Variants in RLN3 observed in about 807,000 individuals in gnomAD.
RLN3 encodes relaxin 3.
A neutral mutation model predicts 10.2 loss-of-function variants in RLN3; 13 were observed. That is an observed-to-expected ratio of 1.28 (90% CI 0.83 to 2.03). The LOEUF is 2.03. RLN3 is among the 30% of genes most tolerant of loss of function. The pLI is 0.00. For synonymous variants in RLN3, 56 were observed against 79.2 expected, an observed-to-expected ratio of 0.71 and a Z score of 1.56; for missense variants, 191 against 187.2, an observed-to-expected ratio of 1.02 and a Z score of -0.12.
rs775123305 is a variant in RLN3 at position 14,030,975 on chromosome 19, C to G, written c.*27C>G. On this transcript the variant is annotated 3_prime_UTR_variant, in exon 2 of 2. Coordinates refer to ENST00000431365, the MANE Select transcript of RLN3 (RefSeq NM_080864.4). ...TTGAGGGCTGGGCAGCCGTGGGCAC[C>G]AGGACCAATGCCCCAGTCCTGCCAT... 3 of 1,454,394 alleles carry G rather than the reference C, an allele frequency of 2.1e-6. No individual in the cohort carries two copies. Among genetic ancestry groups the G allele is most frequent in the East Asian group, 4.6e-5 (2 of 43,804 alleles). 90.1% of individuals were successfully genotyped at this position (1,454,394 alleles called of 1,614,324 possible).
In RLN3 at chr19:14,031,322, G is replaced by A; in HGVS notation, c.*374G>A. 4.2e-6 allele frequency: 1 copy of A among 236,222 alleles called. No homozygotes were observed. The highest frequency in any genetic ancestry group is 7.9e-5 in the South Asian group (1 of 12,598). 14.6% of individuals were successfully genotyped at this position (236,222 alleles called of 1,614,324 possible). On this transcript the variant is annotated 3_prime_UTR_variant, in exon 2 of 2. Transcript: ENST00000431365. ...CACAGAGACCCCTGCCCCCTTCCCA[G>A]TCCAAACTGTGGCCATTGTCCCCTG... is the stretch of plus-strand genomic sequence containing the variant.
Position 14,030,742 on chromosome 19 carries a change from G to A in RLN3, c.223G>A (p.Asp75Asn), listed in dbSNP as rs200786904. 14 of 1,614,078 alleles carry A rather than the reference G, an allele frequency of 8.7e-6. No homozygotes were observed. Among genetic ancestry groups the A allele is most frequent in the Middle Eastern group, 1.6e-4 (1 of 6,084 alleles). Residue 75 changes from aspartate to asparagine, a missense_variant, in exon 2 of 2, where the codon GAC becomes AAC. Transcript: ENST00000431365. ...CTTCCCGGATGCAGATGCTGATGAA[G>A]ACAGTCTGGCAGGCGAGCTGGATGA... ...DTFPDADADE[D>N]SLAGELDEAM...
In RLN3 at chr19:14,028,439, G is replaced by C. The variant is rs759822350; in HGVS notation, c.190+45G>C. On this transcript the variant is annotated intron_variant, in intron 1 of 1. Transcript: ENST00000431365. ...GGATGTAGAAGGGGAACAGGTGGCT[G>C]GATGGGTCCCAGGAGCTAAGGACAG... 1.9e-6 allele frequency: 3 copies of C among 1,548,266 alleles called. No individual in the cohort carries two copies. The East Asian group carries it at 6.8e-5, about 35-fold the overall frequency.
rs573323251 is a variant in RLN3 at position 14,031,433 on chromosome 19, T to A, written c.*485T>A. 4.6e-6 allele frequency: 1 copy of A among 218,194 alleles called. No homozygotes were observed. The highest frequency in any genetic ancestry group is 9.4e-5 in the South Asian group (1 of 10,630). 13.5% of individuals were successfully genotyped at this position (218,194 alleles called of 1,614,324 possible). On this transcript the variant is annotated 3_prime_UTR_variant, in exon 2 of 2. Coordinates refer to ENST00000431365, the MANE Select transcript of RLN3 (RefSeq NM_080864.4). ...GCTTTCCATCCCCTCTCCCTCCAAC[T>A]CCCCTGCCAGAGTTCCAAGGCTGTG...
rs1568496779 is a variant in RLN3, at chr19:14,030,837, C to A, written c.318C>A (p.Ser106Arg). ...AGGCCTTTTACAGGGGGCGACCCAG[C>A]TGGCAAGGAACCCCTGGGGTTCTTC... ...SPQAFYRGRP[S>R]WQGTPGVLRG... The change falls in exon 2 of 2, where the codon AGC (serine) becomes AGA (arginine). Residue 106 changes from serine to arginine, a missense_variant. Physicochemically the swap from Ser to Arg is moderately radical, Grantham distance 110. Coordinates refer to ENST00000431365, the MANE Select transcript of RLN3 (RefSeq NM_080864.4). 6.2e-7 allele frequency: 1 copy of A among 1,613,628 alleles called. No homozygotes were observed. Among genetic ancestry groups the A allele is most frequent in the African/African-American group, 1.3e-5 (1 of 75,050 alleles).
intron 1 of RLN3, among the ~76,000 whole-genome samples, chr19:14,029,553 G>A (rs1975765834): frequency 6.6e-6 from 1 of 151,644 alleles, no homozygotes. Flanking sequence ...GTTTCACCAT[G>A]TTGGCCAGGC....
In RLN3 at chr19:14,031,507, A is replaced by C; in HGVS notation, c.*559A>C. ...GCCCCCCTAGGAGAGCTCTGGGCAC[A>C]TTCGAATCTTCCCAAACTCCAATAA... On this transcript the variant is annotated 3_prime_UTR_variant, in exon 2 of 2. Coordinates refer to ENST00000431365, the MANE Select transcript of RLN3 (RefSeq NM_080864.4). The C allele has an allele frequency of 3.3e-6, 1 of 301,128 alleles. No individual in the cohort carries two copies. Among genetic ancestry groups the C allele is most frequent in the Non-Finnish European group, 6.2e-6 (1 of 161,048 alleles). The allele number at this position is 301,128 out of a possible 1,614,324, so 18.7% of individuals were successfully genotyped here.
rs1975749380 is a variant in RLN3 at position 14,028,406 on chromosome 19, G to A, written c.190+12G>A. ...CCACGAGGCTATGGGTGAGGCTGGG[G>A]AGAGAGTGGATGTAGAAGGGGAACA... On this transcript the variant is annotated intron_variant, in intron 1 of 1. Coordinates refer to ENST00000431365, the MANE Select transcript of RLN3 (RefSeq NM_080864.4). The A allele has an allele frequency of 6.2e-7, 1 of 1,602,732 alleles. No individual in the cohort carries two copies. Among genetic ancestry groups the A allele is most frequent in the Non-Finnish European group, 8.5e-7 (1 of 1,174,198 alleles).
At position 14,031,104 on chromosome 19, in the gene RLN3, G is replaced by A. The variant is rs1004353033; in HGVS notation, c.*156G>A. 9.7e-5 allele frequency: 61 copies of A among 626,310 alleles called. No homozygotes were observed. Among genetic ancestry groups the A allele is most frequent in the Non-Finnish European group, 1.3e-4 (47 of 355,372 alleles). 38.8% of individuals were successfully genotyped at this position (626,310 alleles called of 1,614,324 possible). ...ACTGTGGGCTCAGGCACAGTCTCCC[G>A]ACACCACCTATCCAACCCTGCCCTT... On this transcript the variant is annotated 3_prime_UTR_variant, in exon 2 of 2. Coordinates refer to ENST00000431365, the MANE Select transcript of RLN3 (RefSeq NM_080864.4).
chr19:14,028,507 C>T lies in RLN3; in HGVS notation c.190+113C>T, dbSNP rs909315059. The T allele has an allele frequency of 4.4e-6, 4 of 909,460 alleles. No individual in the cohort carries two copies. In the African/African-American group the frequency reaches 6.8e-5, roughly 15 times the overall value. 56.3% of individuals were successfully genotyped at this position (909,460 alleles called of 1,614,324 possible). ...TGGAGGAGGAGGGTCCCTGTCCTGC[C>T]ACATTCAGCCAGGGACACCTGCCCA... On this transcript the variant is annotated intron_variant, in intron 1 of 1. Coordinates refer to ENST00000431365, the MANE Select transcript of RLN3 (RefSeq NM_080864.4).
At position 14,028,267 on chromosome 19, in the gene RLN3, G is replaced by C; in HGVS notation, c.63G>C (p.Pro21=). The C allele has an allele frequency of 6.2e-7, 1 of 1,613,316 alleles. No individual in the cohort carries two copies. The highest frequency in any genetic ancestry group is 1.1e-5 in the South Asian group (1 of 90,996). ...GGGTGCTGACCGGGGAGCTGTGGCC[G>C]GGAGCTGAGGCCCGGGCAGCGCCTT... is the stretch of plus-strand genomic sequence containing the variant. ...AVWVLTGELW[P]GAEARAAPYG... Residue 21 remains proline, a synonymous_variant, in exon 1 of 2, where the codon CCG becomes CCC. Coordinates refer to ENST00000431365, the MANE Select transcript of RLN3 (RefSeq NM_080864.4).
Position 14,028,325 on chromosome 19 carries a change from C to T in RLN3, c.121C>T (p.Arg41Ter), listed in dbSNP as rs146486931. The change falls in exon 1 of 2, where the codon CGA becomes TGA. Residue 41 changes from arginine to a stop codon, truncating the protein, a stop_gained. Coordinates refer to ENST00000431365, the MANE Select transcript of RLN3 (RefSeq NM_080864.4). LOFTEE classifies it high-confidence loss of function. Reference protein sequence around the residue: ...GVRLCGREFIRAVIFTCGGSR... With the variant: ...GVRLCGREFI The stretch of plus-strand genomic sequence containing the variant: ...CAGGCTTTGCGGCCGAGAATTCATC[C>T]GAGCAGTCATCTTCACCTGCGGGGG... 484 of 1,613,882 alleles carry T rather than the reference C, an allele frequency of 3.0e-4. No homozygotes were observed. In the African/African-American group the frequency reaches 4.7e-3, roughly 16 times the overall value.
intron 1 of RLN3, among the ~76,000 whole-genome samples, chr19:14,028,638 C>G (rs957348177): frequency 6.6e-6 from 1 of 152,052 alleles, no homozygotes; most frequent in African/African-American, 2.4e-5. Context: ...GGGCGGGGAG[C>G]GTGCCATTTG....
At chr19:14,028,902 G>C (rs1234263836) in intron 1 of RLN3, among the ~76,000 whole-genome samples, 1 of 151,974 alleles carries the variant, frequency 6.6e-6, no homozygotes, top group East Asian at 1.9e-4. Context: ...CGCCTCCAGA[G>C]TAGTTGAGAC....
chr19:14,030,333 T>A (rs1484970444), intron 1 of RLN3: 1 of 702,928 alleles, frequency 1.4e-6, no homozygotes. Flanking sequence ...CTCCCAAATG[T>A]ACCAGGTCCT....
At chr19:14,030,202 A>C in intron 1 of RLN3, 1 of 689,514 alleles carries the variant, frequency 1.5e-6, no homozygotes, top group South Asian at 1.5e-5. Flanking sequence ...ACTCCTTATA[A>C]AACTTGAGAA....
intron 1 of RLN3, among the ~76,000 whole-genome samples, chr19:14,028,770 C>T (rs141496211): frequency 6.6e-4 from 101 of 152,184 alleles, no homozygotes; most frequent in Non-Finnish European, 1.2e-3. Flanking sequence ...GTTTTTCTTC[C>T]GTCTCTGAGT....
chr19:14,030,990 A>G lies in RLN3; in HGVS notation c.*42A>G, dbSNP rs1327958984. 3.7e-6 allele frequency: 5 copies of G among 1,334,802 alleles called. No homozygotes were observed. The highest frequency in any genetic ancestry group is 5.2e-6 in the Non-Finnish European group (5 of 966,316). 82.7% of individuals were successfully genotyped at this position (1,334,802 alleles called of 1,614,324 possible). ...CCGTGGGCACCAGGACCAATGCCCC[A>G]GTCCTGCCATCCACTCAACTAGTGT... On this transcript the variant is annotated 3_prime_UTR_variant, in exon 2 of 2. Coordinates refer to ENST00000431365, the MANE Select transcript of RLN3 (RefSeq NM_080864.4).
intron 1 of RLN3, among the ~76,000 whole-genome samples, chr19:14,028,751 A>G (rs909178049): frequency 9.9e-5 from 15 of 152,166 alleles, no homozygotes; most frequent in Non-Finnish European, 1.3e-4. Context: ...ACCTCTCCCC[A>G]GCAAGTTGGT....
Sources: gnomAD v4.1 joint callset for allele counts (sites outside exome capture counted in the v4.1 genomes callset) on GRCh38, gnomAD v4.1.1 for gene constraint, MANE v1.5 for transcripts, NCBI Gene and HGNC (gene_info 2026-07-23, HGNC 2026-07-21) for gene names.